Variants in LRRC9 observed in about 807,000 individuals in gnomAD.
LRRC9 encodes the protein leucine-rich repeat-containing protein 9.
LRRC9 carries 122 observed loss-of-function variants against 63.2 expected under a neutral mutation model. The observed-to-expected ratio is 1.93, with a 90% confidence interval of 1.67 to 2.24. LRRC9 has a LOEUF of 2.24. Ranked by LOEUF, LRRC9 falls within the 30% of genes most tolerant of loss-of-function variation. LRRC9 has a pLI of 0.00. For synonymous variants in LRRC9, 366 were observed against 213.1 expected (o/e 1.72, Z -6.25); for missense variants, 1,071 against 627.7 (o/e 1.71, Z -7.55).
At chr14:60,024,854 T>C (rs1048919760) in intron 27 of LRRC9, among the ~76,000 whole-genome samples, 3 of 151,662 alleles carry the variant, frequency 2.0e-5, no homozygotes, top group Non-Finnish European at 2.9e-5. Context: ...GGTGTACTTA[T>C]TGTTGGAGCG....
At chr14:60,043,289 T>C (rs545254553) in intron 29 of LRRC9, among the ~76,000 whole-genome samples, 1 of 152,194 alleles carries the variant, frequency 6.6e-6, no homozygotes, top group Non-Finnish European at 1.5e-5. Context: ...CCTTTCTTTC[T>C]TTCTCTTGTC....
intron 13 of LRRC9, 96 bp from the exon 14 acceptor site, chr14:59,977,129 A>C: frequency 1.7e-6 from 1 of 594,512 alleles, no homozygotes; most frequent in Non-Finnish European, 2.9e-6. Context: ...CCTTTACAGA[A>C]CATACAGTTT....
chr14:60,018,742 G>T (rs1177203519), intron 25 of LRRC9, among the ~76,000 whole-genome samples: 1 of 151,912 alleles, frequency 6.6e-6, no homozygotes, highest in Non-Finnish European at 1.5e-5. Flanking sequence ...GATATGGAAA[G>T]AAGCTTCAAG....
exon 4 of LRRC9, chr14:59,931,054 T>C (rs754594686): frequency 1.9e-5 from 7 of 372,172 alleles, no homozygotes; most frequent in South Asian, 1.6e-4. Context: ...ATTAAAAATA[T>C]TGAGGTAAGA....
chr14:60,010,418 C>T (rs577158754), intron 23 of LRRC9, among the ~76,000 whole-genome samples: 18 of 151,432 alleles, frequency 1.2e-4, no homozygotes, highest in African/African-American at 4.1e-4. Context: ...GGTACCAAGT[C>T]CCTAGGCTGC....
In LRRC9 at chr14:60,001,628, G is replaced by C. The variant is rs185996077; in HGVS notation, c.2530-338G>C. Among the ~76,000 whole-genome samples, 96 of 152,194 alleles carry C rather than the reference G, an allele frequency of 6.3e-4. 2 individuals are homozygous for C. Among genetic ancestry groups the C allele is most frequent in the African/African-American group, 2.1e-3 (89 of 41,548 alleles). On this transcript the variant is annotated intron_variant, in intron 19 of 31. Coordinates refer to ENST00000445360, the Ensembl canonical transcript of LRRC9. Reference sequence around the variant, plus strand: ...CACTTCTAAAGAAAAGGAAAGAAAAGGGCTTAGGATCGGGCCCACAGGGTG... The same window carrying C: ...CACTTCTAAAGAAAAGGAAAGAAAACGGCTTAGGATCGGGCCCACAGGGTG...
chr14:60,036,474 TC>T (rs763064502), intron 29 of LRRC9, among the ~76,000 whole-genome samples: 90 of 152,180 alleles, frequency 5.9e-4, no homozygotes, highest in Non-Finnish European at 1.8e-4. Context: ...GCATGATGAT[TC>T]CTTCACATTG....
intron 29 of LRRC9, among the ~76,000 whole-genome samples, chr14:60,050,757 T>C (rs1893826882): frequency 6.6e-6 from 1 of 152,154 alleles, no homozygotes; most frequent in Admixed American, 6.6e-5. Flanking sequence ...GGGGCTTTTG[T>C]GGGGTCATTT....
intron 8 of LRRC9, among the ~76,000 whole-genome samples, chr14:59,953,049 A>T (rs1011808205): frequency 6.6e-6 from 1 of 152,198 alleles, no homozygotes; most frequent in African/African-American, 2.4e-5. Context: ...TTCTTTATCC[A>T]GTCTATCACT....
intron 23 of LRRC9, among the ~76,000 whole-genome samples, chr14:60,011,881 T>C (rs1354885177): frequency 6.6e-6 from 1 of 152,184 alleles, no homozygotes; most frequent in African/African-American, 2.4e-5. Flanking sequence ...TGACAGAAGA[T>C]CATCTGACTG....
chr14:59,919,942 T>G lies in LRRC9; in HGVS notation c.-34+59T>G, dbSNP rs1484034870. 6.6e-6 allele frequency: 1 copy of G among 152,260 alleles called. No homozygotes were observed. The highest frequency in any genetic ancestry group is 6.5e-5 in the Admixed American group (1 of 15,284). The allele number at this position is 152,260 out of a possible 1,614,324, so 9.4% of individuals were successfully genotyped here. A position where few individuals can be genotyped will look rare whatever the true frequency, so the allele number is the denominator to read the frequency against. The stretch of plus-strand genomic sequence containing the variant: ...CCTGCCAGCGAGAAGCTCCCGCCGT[T>G]TCCCAGGAGCCCCAGGTGGGGTCTT... On this transcript the variant is annotated intron_variant, in intron 1 of 31. Transcript: ENST00000445360. The surrounding 1 kb of genome is among the most constrained non-coding windows in gnomAD (Gnocchi z 4.5).
rs1209110606 is a variant in LRRC9, at chr14:59,986,630, T to G, written c.2211+1406T>G. Reference sequence around the variant, plus strand: ...TATTTATTTGCCAGCACTTCCAAAATTACGACAGTCATTATAATTTTGCTT... The same window carrying G: ...TATTTATTTGCCAGCACTTCCAAAAGTACGACAGTCATTATAATTTTGCTT... On this transcript the variant is annotated intron_variant, in intron 17 of 31. Coordinates refer to ENST00000445360, the Ensembl canonical transcript of LRRC9. This position sits in a 1 kb window ranked among gnomAD's most constrained non-coding sequence, Gnocchi z 4.7. Among the ~76,000 whole-genome samples the G allele has an allele frequency of 6.6e-6, 1 of 152,196 alleles. No homozygotes were observed. The highest frequency in any genetic ancestry group is 2.4e-5 in the African/African-American group (1 of 41,458).
intron 7 of LRRC9, among the ~76,000 whole-genome samples, chr14:59,940,944 A>T (rs191879827): frequency 6.6e-6 from 1 of 152,188 alleles, no homozygotes; most frequent in Admixed American, 6.5e-5. Flanking sequence ...AGTTTTTTAA[A>T]GTCCAAATAC....
Position 60,015,442 on chromosome 14 carries a change from C to A in LRRC9, c.3187-1218C>A, listed in dbSNP as rs77046458. On this transcript the variant is annotated intron_variant, in intron 23 of 31. Transcript: ENST00000445360. ...CCTTGGCACTATACCAGTGAGAAGA[C>A]GAGGAACAACTTTGTTGCTGTCAGG... is the stretch of plus-strand genomic sequence containing the variant. Among the ~76,000 whole-genome samples the A allele has an allele frequency of 2.6e-3, 397 of 152,196 alleles. 1 individual carries two copies. The highest frequency in any genetic ancestry group is 4.5e-3 in the Non-Finnish European group (309 of 67,992).
Position 59,927,914 on chromosome 14 carries a change from T to C in LRRC9, c.-30T>C, listed in dbSNP as rs774628584. ...ATTTTTTCATTTTCCTTAAAAGTTATAATATTATGATCACTGTTTTTAATG... is the reference window on the plus strand; with the variant it reads ...ATTTTTTCATTTTCCTTAAAAGTTACAATATTATGATCACTGTTTTTAATG... On this transcript the variant is annotated 5_prime_UTR_variant, in exon 2 of 32. Transcript: ENST00000445360. This position sits in a 1 kb window ranked among gnomAD's most constrained non-coding sequence, Gnocchi z 4.4. 10 of 655,886 alleles carry C rather than the reference T, an allele frequency of 1.5e-5. No individual in the cohort carries two copies. The highest frequency in any genetic ancestry group is 2.6e-4 in the Middle Eastern group (1 of 3,848). The allele number at this position is 655,886 out of a possible 1,614,324, so 40.6% of individuals were successfully genotyped here. A position where few individuals can be genotyped will look rare whatever the true frequency, so the allele number is the denominator to read the frequency against.
intron 22 of LRRC9, among the ~76,000 whole-genome samples, chr14:60,007,367 A>T (rs1373948491): frequency 6.6e-6 from 1 of 152,128 alleles, no homozygotes; most frequent in Non-Finnish European, 1.5e-5. Flanking sequence ...TCTTGTTTTC[A>T]GTAGTTTTAC....
intron 23 of LRRC9, among the ~76,000 whole-genome samples, chr14:60,016,217 A>T (rs1352206484): frequency 6.6e-6 from 1 of 151,864 alleles, no homozygotes; most frequent in Non-Finnish European, 1.5e-5. Context: ...ATTAAAAAAA[A>T]TTTTTAGAGA....
rs1237856635 is a variant in LRRC9 at position 59,961,020 on chromosome 14, G to T, written c.1186G>T (p.Glu396Ter). ...AGAGACTGTGGGAAATTTCCATTTT[G>T]AAGAAGGCACTCGATCTGATGACTG... The change falls in exon 10 of 32, where the codon GAA becomes TAA. Residue 396 changes from glutamate to a stop codon, truncating the protein, a stop_gained. Transcript: ENST00000445360. LOFTEE classifies it high-confidence loss of function. 1 of 690,822 alleles carries T rather than the reference G, an allele frequency of 1.4e-6. No individual in the cohort carries two copies. The highest frequency in any genetic ancestry group is 2.1e-5 in the Admixed American group (1 of 48,254). The allele number at this position is 690,822 out of a possible 1,614,324, so 42.8% of individuals were successfully genotyped here. A position where few individuals can be genotyped will look rare whatever the true frequency, so the allele number is the denominator to read the frequency against.
At chr14:60,019,390 T>G (rs149073323) in intron 26 of LRRC9, 130 bp downstream of exon 26, 2 of 476,954 alleles carry the variant, frequency 4.2e-6, no homozygotes, top group African/African-American at 4.0e-5. Flanking sequence ...CTATTTTATT[T>G]AATAGCTACA....
Sources: allele counts gnomAD v4.1 joint callset (sites outside exome capture counted in the v4.1 genomes callset), GRCh38; gene constraint gnomAD v4.1.1; non-coding constraint Gnocchi (gnomAD v3.1); transcripts MANE v1.5; gene names NCBI Gene and HGNC (gene_info 2026-07-23, HGNC 2026-07-21).